COL14A1: variants seen among roughly 807,000 people sequenced by gnomAD.
COL14A1 encodes collagen alpha-1(XIV) chain.
Under a neutral mutation model 230.3 loss-of-function variants are expected in COL14A1, and 136 were observed. The observed-to-expected ratio is 0.59, with a 90% CI of 0.51 to 0.68. The LOEUF is 0.68. Ranked by LOEUF, COL14A1 falls within the 30% of genes least tolerant of loss-of-function variation. The pLI, the probability that COL14A1 is intolerant of heterozygous loss-of-function variation, is 0.00. For missense variants in COL14A1, 1,976 were observed against 2,215.8 expected, an observed-to-expected ratio of 0.89 and a Z score of 2.17; for synonymous variants, 792 against 784.1, an observed-to-expected ratio of 1.01 and a Z score of -0.17.
intron 1 of COL14A1, among the ~76,000 whole-genome samples, chr8:120,134,398 T>C (rs1408115401): frequency 6.6e-6 from 1 of 152,094 alleles, no homozygotes; most frequent in Admixed American, 6.5e-5. Context: ...CTATAAGTGG[T>C]ATTGGACTAA....
intron 12 of COL14A1, among the ~76,000 whole-genome samples, chr8:120,211,798 T>C (rs2034842): frequency 0.56 from 85,867 of 152,064 alleles, 25,376 homozygotes; most frequent in African/African-American, 0.74. Context: ...TAAAACTATC[T>C]CGTCACTCTA....
At chr8:120,134,117 A>G (rs1233545827) in intron 1 of COL14A1, among the ~76,000 whole-genome samples, 2 of 152,040 alleles carry the variant, frequency 1.3e-5, no homozygotes, top group Non-Finnish European at 2.9e-5. Flanking sequence ...GAATAAACAA[A>G]GAATATATTC....
chr8:120,324,955 T>C (rs1414809735), intron 40 of COL14A1, among the ~76,000 whole-genome samples: 1 of 152,042 alleles, frequency 6.6e-6, no homozygotes, highest in Admixed American at 6.6e-5. Context: ...TACCAAAAAA[T>C]GTTTAGAAAC....
chr8:120,157,729 T>A (rs1195904660), intron 2 of COL14A1, among the ~76,000 whole-genome samples: 1 of 152,170 alleles, frequency 6.6e-6, no homozygotes, highest in East Asian at 1.9e-4. Context: ...CTTATGCCTG[T>A]AATCCCAGCA....
chr8:120,156,951 A>G (rs1815500404), intron 2 of COL14A1, among the ~76,000 whole-genome samples: 1 of 152,232 alleles, frequency 6.6e-6, no homozygotes, highest in African/African-American at 2.4e-5. Flanking sequence ...AAAATGAGAA[A>G]GAGAGACTGG....
At chr8:120,277,859 C>G in intron 26 of COL14A1, 1 of 213,758 alleles carries the variant, frequency 4.7e-6, no homozygotes, top group Non-Finnish European at 9.3e-6. Context: ...CTCTCAGTGA[C>G]ATGCCGTTTA....
chr8:120,328,554 T>C (rs529079545), intron 40 of COL14A1, among the ~76,000 whole-genome samples: 1 of 152,146 alleles, frequency 6.6e-6, no homozygotes, highest in East Asian at 1.9e-4. Context: ...TTTGATTTGA[T>C]CACACTGAAG....
intron 40 of COL14A1, among the ~76,000 whole-genome samples, chr8:120,328,397 A>T (rs1018068501): frequency 7.8e-5 from 11 of 141,580 alleles, no homozygotes; most frequent in Non-Finnish European, 9.5e-5. Flanking sequence ...TTTTTTTTTA[A>T]TTTTTTTTTT....
At chr8:120,214,770 C>T (rs1474095513) in intron 13 of COL14A1, among the ~76,000 whole-genome samples, 3 of 104,752 alleles carry the variant, frequency 2.9e-5, no homozygotes, top group Middle Eastern at 0.011. Context: ...CAGAAATATA[C>T]GGTGAAAAAA....
chr8:120,264,594 C>T (rs1819450784), intron 24 of COL14A1, among the ~76,000 whole-genome samples: 1 of 152,068 alleles, frequency 6.6e-6, no homozygotes, highest in Admixed American at 6.6e-5. Flanking sequence ...TTTGTCATTA[C>T]CATTATTATT....
At chr8:120,196,766 C>T (rs767948764) in intron 5 of COL14A1, 25 bp from the exon 6 acceptor site, 75 of 1,608,554 alleles carry the variant, frequency 4.7e-5, no homozygotes, top group Middle Eastern at 1.7e-4. Flanking sequence ...GTAACACATG[C>T]GCTTTTCTGG....
At chr8:120,220,277 ATT>A (rs34611162) in intron 14 of COL14A1, among the ~76,000 whole-genome samples, 3 of 141,958 alleles carry the variant, frequency 2.1e-5, no homozygotes, top group East Asian at 2.1e-4. Flanking sequence ...CATGCAATTG[ATT>A]TTTTTTTTTT....
At chr8:120,268,668 A>C (rs1819570895) in intron 25 of COL14A1, among the ~76,000 whole-genome samples, 1 of 151,756 alleles carries the variant, frequency 6.6e-6, no homozygotes, top group Non-Finnish European at 1.5e-5. Flanking sequence ...AAGTAATACT[A>C]AATATTTATT....
At chr8:120,303,167 A>G (rs1487840380) in intron 36 of COL14A1, among the ~76,000 whole-genome samples, 3 of 152,130 alleles carry the variant, frequency 2.0e-5, no homozygotes, top group Non-Finnish European at 4.4e-5. Flanking sequence ...CTACATGTAG[A>G]ATCATGTCAT....
At chr8:120,184,967 C>T (rs2130655935) in intron 5 of COL14A1, among the ~76,000 whole-genome samples, 1 of 152,228 alleles carries the variant, frequency 6.6e-6, no homozygotes, top group South Asian at 2.1e-4. Flanking sequence ...TGCAGGCACC[C>T]CATGGCCTAG....
chr8:120,226,984 C>A (rs11986760), intron 16 of COL14A1, among the ~76,000 whole-genome samples: 1,558 of 152,152 alleles, frequency 0.01, 31 homozygotes, highest in African/African-American at 0.036. Context: ...TTTTCAGATT[C>A]TTTGACTTTA....
chr8:120,266,722 T>A lies in COL14A1; in HGVS notation c.3017-105T>A, dbSNP rs1819510198. ...CTCATTAAATTCTCAGAGAAGACAG[T>A]TGTCAAAATCATTGACTACCCTGAA... On this transcript the variant is annotated intron_variant, in intron 24 of 47. Coordinates refer to ENST00000297848, the MANE Select transcript of COL14A1 (RefSeq NM_021110.4). 4 of 898,998 alleles carry A rather than the reference T, an allele frequency of 4.4e-6. No homozygotes were observed. The East Asian group carries it at 9.9e-5, about 22-fold the overall frequency. 55.7% of individuals were successfully genotyped at this position (898,998 alleles called of 1,614,324 possible).
At chr8:120,127,047 C>G (rs1328374323) in intron 1 of COL14A1, among the ~76,000 whole-genome samples, 1 of 152,150 alleles carries the variant, frequency 6.6e-6, no homozygotes, top group Non-Finnish European at 1.5e-5. Flanking sequence ...AATATTTTAG[C>G]ACCCCAAAAA....
At chr8:120,269,293 A>G (rs547617994) in intron 25 of COL14A1, among the ~76,000 whole-genome samples, 1 of 151,916 alleles carries the variant, frequency 6.6e-6, no homozygotes, top group East Asian at 1.9e-4. Flanking sequence ...GATACCAAAA[A>G]AGAACTTTTA....
Sources: allele counts gnomAD v4.1 joint callset (sites outside exome capture counted in the v4.1 genomes callset), GRCh38; gene constraint gnomAD v4.1.1; transcripts MANE v1.5; gene names NCBI Gene and HGNC (gene_info 2026-07-23, HGNC 2026-07-21).